The following MGAT4C variants were observed in gnomAD, a reference collection of about 807,000 sequenced individuals.
MGAT4C encodes the protein alpha-1,3-mannosyl-glycoprotein 4-beta-N-acetylglucosaminyltransferase C.
In MGAT4C, 19 loss-of-function variants were observed where a neutral mutation model predicts 40.1. The observed-to-expected ratio is 0.47, with a 90% CI of 0.33 to 0.70. The LOEUF is 0.70. Ranked by LOEUF, MGAT4C falls within the 30% of genes least tolerant of loss-of-function variation. The probability of loss-of-function intolerance (pLI) is 0.02; values close to 1 mark genes in which losing one functional copy is unlikely to be tolerated. For missense variants in MGAT4C, 491 were observed against 563.2 expected, an observed-to-expected ratio of 0.87 and a Z score of 1.30; for synonymous variants, 181 against 187.1, an observed-to-expected ratio of 0.97 and a Z score of 0.27.
chr12:86,754,053 G>T (rs1030668931), intron 1 of MGAT4C, among the ~76,000 whole-genome samples: 1 of 152,090 alleles, frequency 6.6e-6, no homozygotes. Flanking sequence ...ATTCGTAGTA[G>T]CTCTACTTAT....
At chr12:86,352,051 TAAC>T (rs1482095623) in intron 3 of MGAT4C, among the ~76,000 whole-genome samples, 2 of 152,082 alleles carry the variant, frequency 1.3e-5, no homozygotes, top group East Asian at 3.8e-4. Context: ...ATTTACTAAG[TAAC>T]AACACTTGAA....
At chr12:86,240,320 C>T (rs1420279140) in intron 1 of MGAT4C, among the ~76,000 whole-genome samples, 1 of 151,832 alleles carries the variant, frequency 6.6e-6, no homozygotes, top group Non-Finnish European at 1.5e-5. Context: ...AAATGTCTAT[C>T]ACTTTTTTAT....
intron 2 of MGAT4C, among the ~76,000 whole-genome samples, chr12:86,702,827 T>C (rs1331043858): frequency 6.6e-6 from 1 of 152,222 alleles, no homozygotes; most frequent in South Asian, 2.1e-4. Context: ...CAAGTCTTAT[T>C]ATTTAAGAAA....
chr12:86,533,921 G>T (rs1959027519), intron 2 of MGAT4C, among the ~76,000 whole-genome samples: 1 of 151,720 alleles, frequency 6.6e-6, no homozygotes, highest in South Asian at 2.1e-4. Flanking sequence ...TGACAAAGCA[G>T]ACTCTTTGTA....
At chr12:86,346,012 T>A (rs1320967366) in intron 3 of MGAT4C, among the ~76,000 whole-genome samples, 1 of 151,440 alleles carries the variant, frequency 6.6e-6, no homozygotes, top group Non-Finnish European at 1.5e-5. Context: ...CAGTGATGAT[T>A]TTCTAAGAAT....
chr12:86,440,644 A>C (rs1338488233), intron 2 of MGAT4C, among the ~76,000 whole-genome samples: 1 of 152,166 alleles, frequency 6.6e-6, no homozygotes, highest in East Asian at 1.9e-4. Flanking sequence ...CAGGGAAAAG[A>C]AATAAATAAA....
intron 1 of MGAT4C, among the ~76,000 whole-genome samples, chr12:86,794,907 A>C (rs2136196543): frequency 6.6e-6 from 1 of 152,052 alleles, no homozygotes; most frequent in Non-Finnish European, 1.5e-5. Flanking sequence ...TGTGAAAATC[A>C]GCAGTATTCT....
intron 2 of MGAT4C, among the ~76,000 whole-genome samples, chr12:86,485,599 T>G (rs547255236): frequency 6.6e-6 from 1 of 152,140 alleles, no homozygotes; most frequent in Non-Finnish European, 1.5e-5. Context: ...AATACAACAT[T>G]TTACTCCCTG....
At chr12:86,490,406 A>C (rs1350519078) in intron 2 of MGAT4C, among the ~76,000 whole-genome samples, 6 of 152,166 alleles carry the variant, frequency 3.9e-5, no homozygotes, top group Non-Finnish European at 8.8e-5. Context: ...ACTGCCCTAA[A>C]AGAGCTCCTG....
At chr12:86,240,761 T>C (rs1951750629) in intron 1 of MGAT4C, among the ~76,000 whole-genome samples, 1 of 152,122 alleles carries the variant, frequency 6.6e-6, no homozygotes, top group South Asian at 2.1e-4. Flanking sequence ...CATCTTATAT[T>C]ACCACATTAA....
At chr12:86,453,821 T>A (rs78209913) in intron 2 of MGAT4C, among the ~76,000 whole-genome samples, 1 of 152,074 alleles carries the variant, frequency 6.6e-6, no homozygotes, top group African/African-American at 2.4e-5. Flanking sequence ...TTGCAAGAAC[T>A]TTATCTATAA....
At chr12:86,030,134 A>C (rs908973008) in intron 2 of MGAT4C, among the ~76,000 whole-genome samples, 1 of 151,762 alleles carries the variant, frequency 6.6e-6, no homozygotes, top group African/African-American at 2.4e-5. Context: ...TTTACAAGAG[A>C]GACACAGGAG....
intron 2 of MGAT4C, among the ~76,000 whole-genome samples, chr12:86,710,100 T>A (rs1255119084): frequency 1.3e-5 from 2 of 152,194 alleles, no homozygotes; most frequent in Non-Finnish European, 2.9e-5. Context: ...GAAGAACTCA[T>A]AAGAATTGTC....
chr12:86,729,134 G>A (rs898571426), intron 1 of MGAT4C, among the ~76,000 whole-genome samples: 1 of 152,162 alleles, frequency 6.6e-6, no homozygotes, highest in Admixed American at 6.5e-5. Context: ...AATGATAGAT[G>A]CTATTATATT....
chr12:86,153,637 C>A (rs1485405762), intron 1 of MGAT4C, among the ~76,000 whole-genome samples: 2 of 152,136 alleles, frequency 1.3e-5, no homozygotes, highest in African/African-American at 4.8e-5. Flanking sequence ...TTACCCCATG[C>A]TGTTCTTGTG....
chr12:86,665,199 C>T (rs76827263), intron 2 of MGAT4C, among the ~76,000 whole-genome samples: 10,293 of 152,078 alleles, frequency 0.068, 556 homozygotes, highest in Admixed American at 0.15. Flanking sequence ...GTAGTGTAAT[C>T]GACATAGGGG....
intron 2 of MGAT4C, among the ~76,000 whole-genome samples, chr12:86,045,247 G>A (rs1356227783): frequency 6.6e-6 from 1 of 152,192 alleles, no homozygotes; most frequent in Non-Finnish European, 1.5e-5. Flanking sequence ...AAAATATAGA[G>A]TAATAATGGA....
intron 1 of MGAT4C, among the ~76,000 whole-genome samples, chr12:86,248,813 G>A (rs1336141513): frequency 2.0e-5 from 3 of 152,078 alleles, no homozygotes; most frequent in East Asian, 3.9e-4. Flanking sequence ...TCACCATGAT[G>A]AAATAAGTGA....
rs759421317 is a variant in MGAT4C at position 86,028,189 on chromosome 12, C to T, written c.-7+21485G>A. On this transcript the variant is annotated intron_variant, in intron 2 of 4. Coordinates refer to ENST00000611864, the MANE Select transcript of MGAT4C (RefSeq NM_001351288.2). The stretch of plus-strand genomic sequence containing the variant: ...GACCATGTCCTTCCCAAGCATGAGA[C>T]GTTCCAAGATTCCATCTGCTGATGG... The T allele has an allele frequency of 3.2e-5, 41 of 1,287,272 alleles. No homozygotes were observed. The South Asian group carries it at 3.6e-4, about 11-fold the overall frequency. 79.7% of individuals were successfully genotyped at this position (1,287,272 alleles called of 1,614,324 possible).
Sources: allele counts gnomAD v4.1 joint callset (sites outside exome capture counted in the v4.1 genomes callset), GRCh38; gene constraint gnomAD v4.1.1; transcripts MANE v1.5; gene names NCBI Gene and HGNC (gene_info 2026-07-23, HGNC 2026-07-21).